CRPPA: variants seen among roughly 807,000 people sequenced by gnomAD.
CRPPA encodes D-ribitol-5-phosphate cytidylyltransferase.
In CRPPA, 43 loss-of-function variants were observed where a neutral mutation model predicts 52.0. The ratio of observed to expected loss-of-function variants is 0.83; its 90% confidence interval spans 0.65 to 1.07. The LOEUF is 1.07. Among genes scored for constraint, CRPPA ranks in the 50% least tolerant of loss-of-function variants. The pLI is 0.00. For missense variants in CRPPA, 629 were observed against 551.7 expected (o/e 1.14, Z -1.40); for synonymous variants, 250 against 203.5 (o/e 1.23, Z -1.94).
intron 5 of CRPPA, among the ~76,000 whole-genome samples, chr7:16,297,443 G>C (rs904402961): frequency 3.9e-5 from 6 of 152,146 alleles, no homozygotes; most frequent in African/African-American, 1.4e-4. Context: ...TGGTAAGGCA[G>C]GAGAGAAGGG....
intron 9 of CRPPA, among the ~76,000 whole-genome samples, chr7:16,096,278 G>GA (rs144530175): frequency 0.038 from 5,677 of 148,442 alleles, 333 homozygotes; most frequent in African/African-American, 0.13. Context: ...CAAAGATGCA[G>GA]AAAAAAAAAC....
Position 16,177,618 on chromosome 7 carries a change from A to G in CRPPA, c.1251+38448T>C, listed in dbSNP as rs115618611. Among the ~76,000 whole-genome samples, 998 of 152,276 alleles carry G rather than the reference A, an allele frequency of 6.6e-3. 13 individuals carry two copies. The highest frequency in any genetic ancestry group is 0.022 in the African/African-American group (919 of 41,564). On this transcript the variant is annotated intron_variant, in intron 9 of 9. Coordinates refer to ENST00000407010, the MANE Select transcript of CRPPA (RefSeq NM_001101426.4). ...AAGTTTGAAGGAAAATGATTAAAATACCAAGAGGAATTATTTTTATTTTTA... is the reference window on the plus strand; with the variant it reads ...AAGTTTGAAGGAAAATGATTAAAATGCCAAGAGGAATTATTTTTATTTTTA...
intron 9 of CRPPA, among the ~76,000 whole-genome samples, chr7:16,159,544 C>A (rs1783259241): frequency 6.6e-6 from 1 of 152,066 alleles, no homozygotes; most frequent in Non-Finnish European, 1.5e-5. Flanking sequence ...GAACTCATTC[C>A]TTTTTATGGC....
At chr7:16,219,150 G>A (rs1425830641) in intron 8 of CRPPA, among the ~76,000 whole-genome samples, 8 of 151,640 alleles carry the variant, frequency 5.3e-5, no homozygotes, top group South Asian at 2.1e-4. Context: ...ACTCAAAACC[G>A]CTCAACTACA....
intron 9 of CRPPA, among the ~76,000 whole-genome samples, chr7:16,185,688 A>G (rs1781492153): frequency 6.6e-6 from 1 of 152,194 alleles, no homozygotes; most frequent in Non-Finnish European, 1.5e-5. Flanking sequence ...TATGTATTTT[A>G]TATTCCACTA....
chr7:16,118,744 A>G (rs1284772737), intron 9 of CRPPA, among the ~76,000 whole-genome samples: 1 of 152,200 alleles, frequency 6.6e-6, no homozygotes, highest in Non-Finnish European at 1.5e-5. Context: ...GCTTTCTACC[A>G]TGTCAGCTCT....
chr7:16,114,287 C>T (rs545854450), intron 9 of CRPPA, among the ~76,000 whole-genome samples: 27 of 133,294 alleles, frequency 2.0e-4, no homozygotes, highest in South Asian at 5.0e-4. Flanking sequence ...AAAGTAGACA[C>T]GCACACATAC....
At chr7:16,122,731 T>C (rs975939863) in intron 9 of CRPPA, among the ~76,000 whole-genome samples, 1 of 152,118 alleles carries the variant, frequency 6.6e-6, no homozygotes, top group Non-Finnish European at 1.5e-5. Flanking sequence ...ATTTATGCTA[T>C]TATACTCCTT....
At chr7:16,336,812 A>AT (rs1479406501) in intron 3 of CRPPA, among the ~76,000 whole-genome samples, 3 of 152,150 alleles carry the variant, frequency 2.0e-5, no homozygotes, top group African/African-American at 7.2e-5. Context: ...CACATGAATA[A>AT]AAAACAAAAG....
Position 16,089,336 on chromosome 7 carries a change from G to C in CRPPA, c.*2359C>G, listed in dbSNP as rs1430179885. 8 of 388,280 alleles carry C rather than the reference G, an allele frequency of 2.1e-5. 1 individual carries two copies. The highest frequency in any genetic ancestry group is 1.3e-4 in the South Asian group (8 of 59,358). The allele number at this position is 388,280 out of a possible 1,614,324, so 24.1% of individuals were successfully genotyped here. On this transcript the variant is annotated 3_prime_UTR_variant, in exon 10 of 10. Transcript: ENST00000407010. ...TATGCGTACGTATATAAATATATGTGTGTATGCGTACGTATATACATACAT... is the reference window on the plus strand; with the variant it reads ...TATGCGTACGTATATAAATATATGTCTGTATGCGTACGTATATACATACAT...
intron 8 of CRPPA, among the ~76,000 whole-genome samples, chr7:16,257,503 A>C (rs1433760576): frequency 6.6e-6 from 1 of 152,102 alleles, no homozygotes; most frequent in Non-Finnish European, 1.5e-5. Context: ...TGACCAAATA[A>C]AGAGGCCACT....
intron 1 of CRPPA, among the ~76,000 whole-genome samples, chr7:16,415,087 G>A (rs1259224758): frequency 6.6e-6 from 1 of 152,168 alleles, no homozygotes; most frequent in African/African-American, 2.4e-5. Flanking sequence ...TCAGATACTG[G>A]TGGGTTCAGA....
chr7:16,294,793 T>A (rs1302118336), intron 5 of CRPPA, among the ~76,000 whole-genome samples: 1 of 151,956 alleles, frequency 6.6e-6, no homozygotes, highest in Non-Finnish European at 1.5e-5. Context: ...TATCCCTGGG[T>A]ATTTAACAAG....
chr7:16,135,539 C>T (rs957804341), intron 9 of CRPPA, among the ~76,000 whole-genome samples: 3 of 152,024 alleles, frequency 2.0e-5, no homozygotes, highest in Non-Finnish European at 4.4e-5. Flanking sequence ...AAGAAGCAAA[C>T]AGAAACATTA....
At chr7:16,352,567 A>G (rs1786184364) in intron 3 of CRPPA, among the ~76,000 whole-genome samples, 1 of 152,146 alleles carries the variant, frequency 6.6e-6, no homozygotes, top group Admixed American at 6.5e-5. Flanking sequence ...TCATCTCACA[A>G]CTGTTACATT....
At chr7:16,194,812 C>T (rs1168764656) in intron 9 of CRPPA, among the ~76,000 whole-genome samples, 1 of 150,094 alleles carries the variant, frequency 6.7e-6, no homozygotes, top group African/African-American at 2.4e-5. Flanking sequence ...GGAAATTATG[C>T]TCCGGTGAGT....
At chr7:16,181,381 T>C (rs1781409297) in intron 9 of CRPPA, among the ~76,000 whole-genome samples, 1 of 151,958 alleles carries the variant, frequency 6.6e-6, no homozygotes, top group Admixed American at 6.6e-5. Flanking sequence ...AGAATCTGTT[T>C]TATCATTCAT....
chr7:16,151,911 C>T (rs1562527958), intron 9 of CRPPA, among the ~76,000 whole-genome samples: 1 of 151,644 alleles, frequency 6.6e-6, no homozygotes, highest in Non-Finnish European at 1.5e-5. Context: ...TAAAGTTATC[C>T]CTGACTGAAA....
intron 8 of CRPPA, among the ~76,000 whole-genome samples, chr7:16,217,897 T>C (rs1056678134): frequency 4.0e-5 from 6 of 151,840 alleles, no homozygotes; most frequent in African/African-American, 1.5e-4. Flanking sequence ...ATTTCCCCAA[T>C]CTAGCAAGGC....
Sources: gnomAD v4.1 joint callset for allele counts (sites outside exome capture counted in the v4.1 genomes callset) on GRCh38, gnomAD v4.1.1 for gene constraint, MANE v1.5 for transcripts, NCBI Gene and HGNC (gene_info 2026-07-23, HGNC 2026-07-21) for gene names.